Variants in RNF150 observed in about 807,000 individuals in gnomAD.
RNF150 encodes the protein ring finger protein 150.
In RNF150, 24 loss-of-function variants were observed where a neutral mutation model predicts 39.3. The ratio of observed to expected loss-of-function variants is 0.61; its 90% CI spans 0.44 to 0.86. The LOEUF (loss-of-function observed/expected upper bound fraction) is 0.86. RNF150 is among the 40% of genes least tolerant of loss of function. RNF150 has a pLI of 0.00. For synonymous variants in RNF150, 255 were observed against 227.3 expected, an observed-to-expected ratio of 1.12 and a Z score of -1.10; for missense variants, 502 against 587.8, an observed-to-expected ratio of 0.85 and a Z score of 1.51.
At chr4:140,993,526 C>A (rs776240267) in intron 1 of RNF150, among the ~76,000 whole-genome samples, 1 of 152,208 alleles carries the variant, frequency 6.6e-6, no homozygotes, top group Non-Finnish European at 1.5e-5. Flanking sequence ...CAGCGAGAGA[C>A]ATTTCTGGAG....
chr4:140,964,538 C>T (rs372185707), intron 2 of RNF150, among the ~76,000 whole-genome samples: 10 of 151,776 alleles, frequency 6.6e-5, no homozygotes, highest in Admixed American at 1.3e-4. Flanking sequence ...ATAATGGCAA[C>T]GTAATGATTA....
At chr4:141,103,155 G>A (rs1040410650) in intron 1 of RNF150, among the ~76,000 whole-genome samples, 5 of 152,166 alleles carry the variant, frequency 3.3e-5, no homozygotes, top group African/African-American at 4.8e-5. Context: ...TAAGTCACAT[G>A]AGAGATAAAG....
intron 1 of RNF150, among the ~76,000 whole-genome samples, chr4:141,022,598 T>G (rs1327893730): frequency 3.3e-5 from 5 of 152,200 alleles, no homozygotes; most frequent in Non-Finnish European, 7.3e-5. Context: ...ACAAATACTT[T>G]GAGCATATGG....
chr4:140,935,046 A>AATAT (rs3033124), intron 4 of RNF150, among the ~76,000 whole-genome samples: 29 of 93,674 alleles, frequency 3.1e-4, no homozygotes, highest in African/African-American at 7.0e-4. Flanking sequence ...TATATATATA[A>AATAT]ATATATATAT....
At chr4:141,010,686 C>T (rs1735043537) in intron 1 of RNF150, among the ~76,000 whole-genome samples, 1 of 152,062 alleles carries the variant, frequency 6.6e-6, no homozygotes, top group South Asian at 2.1e-4. Flanking sequence ...GTGGACAGCC[C>T]AGACCATACA....
chr4:141,024,762 C>T (rs550268617), intron 1 of RNF150, among the ~76,000 whole-genome samples: 1 of 152,072 alleles, frequency 6.6e-6, no homozygotes, highest in Non-Finnish European at 1.5e-5. Flanking sequence ...GAGGTGCTGA[C>T]CAGAAGTACA....
intron 1 of RNF150, among the ~76,000 whole-genome samples, chr4:141,048,051 T>C (rs1736644408): frequency 6.6e-6 from 1 of 152,098 alleles, no homozygotes; most frequent in Admixed American, 6.6e-5. Context: ...AGACCAAAAG[T>C]GAACAAACAG....
At chr4:140,940,617 C>G (rs1441332843) in intron 4 of RNF150, among the ~76,000 whole-genome samples, 1 of 152,176 alleles carries the variant, frequency 6.6e-6, no homozygotes, top group Admixed American at 6.5e-5. Flanking sequence ...AGCCAAGGAA[C>G]TGGCCAAAAC....
intron 1 of RNF150, among the ~76,000 whole-genome samples, chr4:141,037,465 T>C (rs1249559463): frequency 6.6e-6 from 1 of 152,182 alleles, no homozygotes; most frequent in Non-Finnish European, 1.5e-5. Flanking sequence ...AAATATAAGC[T>C]GTTGAGAATA....
chr4:141,023,785 C>A (rs549054722), intron 1 of RNF150, among the ~76,000 whole-genome samples: 1 of 152,262 alleles, frequency 6.6e-6, no homozygotes, highest in Non-Finnish European at 1.5e-5. Flanking sequence ...TGAACAATAA[C>A]AAACTTCACG....
chr4:141,200,229 T>A (rs28578428), intron 1 of RNF150, among the ~76,000 whole-genome samples: 43,430 of 151,860 alleles, frequency 0.29, 6,575 homozygotes, highest in African/African-American at 0.39. Flanking sequence ...ACAGACTGTC[T>A]TCTTCTTGCT....
chr4:141,113,528 G>T (rs1408748442), intron 1 of RNF150, among the ~76,000 whole-genome samples: 3 of 151,964 alleles, frequency 2.0e-5, no homozygotes, highest in Non-Finnish European at 4.4e-5. Context: ...GCAAGTTCTT[G>T]GAGATATACA....
chr4:141,196,078 A>C (rs1467715710), intron 1 of RNF150, among the ~76,000 whole-genome samples: 1 of 152,208 alleles, frequency 6.6e-6, no homozygotes, highest in African/African-American at 2.4e-5. Flanking sequence ...CCTATGGTGA[A>C]GAAACCCCAA....
intron 1 of RNF150, among the ~76,000 whole-genome samples, chr4:140,986,274 G>A (rs528243242): frequency 6.6e-6 from 1 of 152,074 alleles, no homozygotes; most frequent in South Asian, 2.1e-4. Context: ...AGGCAATTAG[G>A]TACTACAAGG....
chr4:141,057,828 AC>A (rs1281816574), intron 1 of RNF150, among the ~76,000 whole-genome samples: 1 of 152,038 alleles, frequency 6.6e-6, no homozygotes, highest in Non-Finnish European at 1.5e-5. Flanking sequence ...ATAAGACCAA[AC>A]CCCATGTGCA....
At chr4:141,149,625 A>G (rs1452622897) in intron 1 of RNF150, among the ~76,000 whole-genome samples, 1 of 152,066 alleles carries the variant, frequency 6.6e-6, no homozygotes, top group Non-Finnish European at 1.5e-5. Flanking sequence ...CCCTATCTTT[A>G]TCCACTCACT....
chr4:141,201,625 T>TG (rs1728294281), intron 1 of RNF150, among the ~76,000 whole-genome samples: 1 of 134,672 alleles, frequency 7.4e-6, no homozygotes, highest in African/African-American at 3.0e-5. Context: ...GGTGTAGTCT[T>TG]GCAATTTTCT....
intron 1 of RNF150, among the ~76,000 whole-genome samples, chr4:141,056,457 T>G (rs1467139804): frequency 2.0e-5 from 3 of 151,976 alleles, no homozygotes; most frequent in Admixed American, 2.0e-4. Flanking sequence ...AAGAGAAGGG[T>G]GTGAGGGGCA....
intron 1 of RNF150, among the ~76,000 whole-genome samples, chr4:140,977,728 A>G (rs1292112565): frequency 1.3e-5 from 2 of 152,148 alleles, no homozygotes; most frequent in African/African-American, 2.4e-5. Flanking sequence ...TTTTACTTCA[A>G]TCAACTTATT....
Sources: allele counts gnomAD v4.1 joint callset (sites outside exome capture counted in the v4.1 genomes callset), GRCh38; gene constraint gnomAD v4.1.1; transcripts MANE v1.5; gene names NCBI Gene and HGNC (gene_info 2026-07-23, HGNC 2026-07-21).